EEF2K: variants seen among roughly 807,000 people sequenced by gnomAD.
The protein encoded by EEF2K is eukaryotic elongation factor 2 kinase, also known as alternative protein EEF2K.
A neutral mutation model predicts 93.8 loss-of-function variants in EEF2K; 70 were observed. That is an observed-to-expected ratio of 0.75 (90% confidence interval 0.62 to 0.91). The LOEUF (loss-of-function observed/expected upper bound fraction) is 0.91, where lower values mean the gene tolerates loss of function less well. EEF2K is among the 40% of genes least tolerant of loss of function. The probability of loss-of-function intolerance (pLI) is 0.00; values close to 1 mark genes in which losing one functional copy is unlikely to be tolerated. For missense variants in EEF2K, 935 were observed against 972.9 expected, an observed-to-expected ratio of 0.96 and a Z score of 0.52; for synonymous variants, 376 against 380.8, an observed-to-expected ratio of 0.99 and a Z score of 0.15.
chr16:22,264,714 AG>A, intron 12 of EEF2K, 103 bp from the exon 13 acceptor site: 1 of 1,314,072 alleles, frequency 7.6e-7, no homozygotes. Flanking sequence ...GTCACCTAGG[AG>A]GGCCAGGCTG....
intron 16 of EEF2K, among the ~76,000 whole-genome samples, chr16:22,276,233 G>A (rs1323361298): frequency 6.6e-5 from 10 of 151,974 alleles, no homozygotes; most frequent in East Asian, 1.9e-4. Flanking sequence ...AGTGTGAGCC[G>A]CTGTACCTGG....
At chr16:22,259,087 G>A (rs1176081545) in intron 10 of EEF2K, among the ~76,000 whole-genome samples, 1 of 152,180 alleles carries the variant, frequency 6.6e-6, no homozygotes, top group African/African-American at 2.4e-5. Flanking sequence ...ACCTGTCACA[G>A]TTAAATAGGG....
intron 3 of EEF2K, among the ~76,000 whole-genome samples, chr16:22,247,148 A>C (rs746826099): frequency 6.6e-6 from 1 of 151,496 alleles, no homozygotes; most frequent in Non-Finnish European, 1.5e-5. Flanking sequence ...AAGCTTAAAA[A>C]TATTACTCTA....
intron 2 of EEF2K, among the ~76,000 whole-genome samples, chr16:22,234,876 G>GGTTTT (rs2047151504): frequency 1.2e-5 from 1 of 85,386 alleles, no homozygotes; most frequent in Admixed American, 1.3e-4. Flanking sequence ...GTTTTTTGTT[G>GGTTTT]CTTTTTTTTT....
At chr16:22,279,762 A>G (rs1054921038) in intron 16 of EEF2K, among the ~76,000 whole-genome samples, 8 of 152,126 alleles carry the variant, frequency 5.3e-5, no homozygotes, top group Non-Finnish European at 8.8e-5. Context: ...TGGGAGGCCT[A>G]GGCATGTGGA....
At chr16:22,258,453 G>A (rs2047429123) in intron 9 of EEF2K, 41 bp from the exon 10 acceptor site, 1 of 1,601,874 alleles carries the variant, frequency 6.2e-7, no homozygotes, top group Non-Finnish European at 8.5e-7. Flanking sequence ...AATTCCCAGA[G>A]GGTGTGTGCG....
intron 6 of EEF2K, among the ~76,000 whole-genome samples, chr16:22,254,125 A>C (rs1434987480): frequency 6.7e-6 from 1 of 149,432 alleles, no homozygotes; most frequent in Non-Finnish European, 1.5e-5. Context: ...TAGTAGTAGT[A>C]ACAATAATAA....
chr16:22,245,561 A>G (rs2047280049), intron 3 of EEF2K, among the ~76,000 whole-genome samples: 1 of 151,938 alleles, frequency 6.6e-6, no homozygotes, highest in Admixed American at 6.6e-5. Context: ...CCCGGCTGAG[A>G]GGTGCGCTAA....
intron 1 of EEF2K, among the ~76,000 whole-genome samples, chr16:22,213,010 T>C (rs1219911992): frequency 6.6e-6 from 1 of 152,050 alleles, no homozygotes; most frequent in African/African-American, 2.4e-5. Flanking sequence ...CCAGGCACAG[T>C]GGCTCACGCC....
At position 22,266,891 on chromosome 16, in the gene EEF2K, G is replaced by A; in HGVS notation, c.1764+15G>A. Reference sequence around the variant, plus strand: ...TCTCTCTGAAGGTGAGCAGGTGGCGGGGACCCAGCTGCAGGTGGGGGTGGG... The same window carrying A: ...TCTCTCTGAAGGTGAGCAGGTGGCGAGGACCCAGCTGCAGGTGGGGGTGGG... On this transcript the variant is annotated intron_variant, in intron 15 of 17. Coordinates refer to ENST00000263026, the MANE Select transcript of EEF2K (RefSeq NM_013302.5). The A allele has an allele frequency of 6.3e-7, 1 of 1,588,610 alleles. No homozygotes were observed. The highest frequency in any genetic ancestry group is 8.6e-7 in the Non-Finnish European group (1 of 1,163,808).
chr16:22,259,136 G>T (rs1286394611), intron 10 of EEF2K, among the ~76,000 whole-genome samples: 1 of 152,146 alleles, frequency 6.6e-6, no homozygotes, highest in African/African-American at 2.4e-5. Context: ...TGTTAGAAAA[G>T]CTATGAATGT....
intron 2 of EEF2K, among the ~76,000 whole-genome samples, chr16:22,229,710 A>G (rs1309309917): frequency 6.6e-6 from 1 of 152,178 alleles, no homozygotes; most frequent in Non-Finnish European, 1.5e-5. Context: ...CAAAAAAAGA[A>G]GAGGGGGAAA....
intron 5 of EEF2K, 42 bp downstream of exon 5, chr16:22,250,733 C>G: frequency 6.2e-7 from 1 of 1,613,054 alleles, no homozygotes; most frequent in Middle Eastern, 1.7e-4. Context: ...GCCCAGAGTC[C>G]CCCCAGGCTC....
intron 1 of EEF2K, among the ~76,000 whole-genome samples, chr16:22,220,275 A>G (rs1304477617): frequency 1.3e-5 from 2 of 152,226 alleles, no homozygotes; most frequent in African/African-American, 2.4e-5. Flanking sequence ...GCAGGGTCAC[A>G]GCTGCTTGTC....
chr16:22,283,578 A>G (rs951002432), intron 17 of EEF2K, among the ~76,000 whole-genome samples: 2 of 152,058 alleles, frequency 1.3e-5, no homozygotes, highest in Non-Finnish European at 2.9e-5. Context: ...ATTGGCTCAA[A>G]CTCAATCATC....
At chr16:22,226,041 G>T (rs750446135) in intron 2 of EEF2K, 66 bp downstream of exon 2, 49 of 1,581,244 alleles carry the variant, frequency 3.1e-5, no homozygotes, top group Non-Finnish European at 4.1e-5. Flanking sequence ...GAGGGTTGGA[G>T]TCGCTGGTTG....
At chr16:22,236,934 CTTTTTTTTT>C (rs71151665) in intron 2 of EEF2K, among the ~76,000 whole-genome samples, 23 of 56,228 alleles carry the variant, frequency 4.1e-4, no homozygotes, top group Admixed American at 3.0e-3. Flanking sequence ...CCACAGACCT[CTTTTTTTTT>C]TTTTTTTTTT....
intron 1 of EEF2K, among the ~76,000 whole-genome samples, chr16:22,208,416 G>A (rs74484748): frequency 6.6e-6 from 1 of 152,076 alleles, no homozygotes; most frequent in African/African-American, 2.4e-5. Flanking sequence ...CCAGCTACTC[G>A]GGAGGCTGAG....
intron 2 of EEF2K, among the ~76,000 whole-genome samples, chr16:22,235,088 C>G (rs1287176854): frequency 6.6e-6 from 1 of 151,578 alleles, no homozygotes; most frequent in African/African-American, 2.4e-5. Context: ...GGGGCGCACA[C>G]CTGTAGTCCC....
Sources: gnomAD v4.1 joint callset for allele counts (sites outside exome capture counted in the v4.1 genomes callset) on GRCh38, gnomAD v4.1.1 for gene constraint, MANE v1.5 for transcripts, NCBI Gene and HGNC (gene_info 2026-07-23, HGNC 2026-07-21) for gene names.